ANKS1A: variants seen among roughly 807,000 people sequenced by gnomAD.
The protein encoded by ANKS1A is ankyrin repeat and SAM domain-containing protein 1A.
A neutral mutation model predicts 120.3 loss-of-function variants in ANKS1A; 55 were observed. The observed-to-expected ratio is 0.46, with a 90% CI of 0.37 to 0.57. The LOEUF is 0.57. Ranked by LOEUF, ANKS1A falls within the 20% of genes least tolerant of loss-of-function variation. The pLI is 0.00. For synonymous variants in ANKS1A, 590 were observed against 604.7 expected, an observed-to-expected ratio of 0.98 and a Z score of 0.36; for missense variants, 1,123 against 1,480.3, an observed-to-expected ratio of 0.76 and a Z score of 3.96.
intron 1 of ANKS1A, among the ~76,000 whole-genome samples, chr6:34,907,260 C>T (rs1353092555): frequency 1.3e-5 from 2 of 152,148 alleles, no homozygotes; most frequent in Non-Finnish European, 2.9e-5. Flanking sequence ...AGGGAAGTAT[C>T]AACAAAGTCT....
At chr6:34,890,833 C>T (rs1766782558) in intron 1 of ANKS1A, among the ~76,000 whole-genome samples, 1 of 152,168 alleles carries the variant, frequency 6.6e-6, no homozygotes, top group Admixed American at 6.5e-5. Context: ...TTTTGTTCCC[C>T]ATTACTTTAT....
At chr6:35,010,736 A>G (rs1773719882) in intron 10 of ANKS1A, among the ~76,000 whole-genome samples, 1 of 152,178 alleles carries the variant, frequency 6.6e-6, no homozygotes, top group African/African-American at 2.4e-5. Flanking sequence ...TAAAGCCTAA[A>G]TGGGGTCTAA....
At position 34,985,082 on chromosome 6, in the gene ANKS1A, G is replaced by T. The variant is rs770479419; in HGVS notation, c.1013G>T (p.Gly338Val). 6.2e-7 allele frequency: 1 copy of T among 1,612,322 alleles called. No homozygotes were observed. Among genetic ancestry groups the T allele is most frequent in the South Asian group, 1.1e-5 (1 of 90,790 alleles). ...CTCTTGCCCTCCATCCTCCTCTCAG[G>T]TGACGTGGAGAAAGCAGTGACTGAA... ...SMDSISQKSQ[G>V]DVEKAVTELI... The change falls in exon 8 of 24, where the codon GGT becomes GTT. Residue 338 changes from glycine to valine, a missense_variant and splice_region_variant. Gly to Val is a moderately radical substitution (Grantham distance 109, BLOSUM62 -3). Transcript: ENST00000360359.
intron 11 of ANKS1A, among the ~76,000 whole-genome samples, chr6:35,049,217 A>G (rs1775858836): frequency 1.3e-5 from 2 of 152,074 alleles, no homozygotes; most frequent in South Asian, 2.1e-4. Flanking sequence ...GAGGAGGGAA[A>G]GGGAGTTAGA....
At chr6:35,012,789 G>T (rs1773829209) in intron 10 of ANKS1A, among the ~76,000 whole-genome samples, 1 of 152,216 alleles carries the variant, frequency 6.6e-6, no homozygotes, top group Non-Finnish European at 1.5e-5. Flanking sequence ...GCATGCTGGT[G>T]TGCCATATTG....
At chr6:35,042,570 G>A (rs1452681522) in intron 11 of ANKS1A, among the ~76,000 whole-genome samples, 4 of 152,168 alleles carry the variant, frequency 2.6e-5, no homozygotes. Flanking sequence ...AGCCATCCTC[G>A]GACCTTATGT....
At chr6:34,964,854 G>A (rs1770816781) in intron 1 of ANKS1A, among the ~76,000 whole-genome samples, 1 of 152,184 alleles carries the variant, frequency 6.6e-6, no homozygotes, top group African/African-American at 2.4e-5. Flanking sequence ...TACCAGTGGT[G>A]TTTAAGAGTG....
intron 13 of ANKS1A, among the ~76,000 whole-genome samples, chr6:35,069,635 G>A (rs1375071427): frequency 6.6e-6 from 1 of 151,828 alleles, no homozygotes; most frequent in Non-Finnish European, 1.5e-5. Context: ...TGACCCCCCA[G>A]GCTCAAGTGA....
chr6:34,994,477 G>C, intron 10 of ANKS1A, 55 bp downstream of exon 10: 1 of 1,587,774 alleles, frequency 6.3e-7, no homozygotes, highest in Non-Finnish European at 8.6e-7. Flanking sequence ...TTTAAAGTTT[G>C]TGATCCTGAG....
At chr6:34,940,908 CAA>C (rs201669851) in intron 1 of ANKS1A, among the ~76,000 whole-genome samples, 6 of 127,960 alleles carry the variant, frequency 4.7e-5, no homozygotes, top group African/African-American at 8.7e-5. Flanking sequence ...AACTCTGTGT[CAA>C]AAAAAAAAAA....
chr6:34,989,178 A>G, intron 8 of ANKS1A, 46 bp from the exon 9 acceptor site: 1 of 1,588,622 alleles, frequency 6.3e-7, no homozygotes, highest in Non-Finnish European at 8.6e-7. Context: ...AAAATTAGAT[A>G]CTTAAAAAAG....
intron 1 of ANKS1A, among the ~76,000 whole-genome samples, chr6:34,923,071 G>C (rs562736242): frequency 1.3e-5 from 2 of 152,330 alleles, no homozygotes; most frequent in East Asian, 3.9e-4. Context: ...AGCTGAAGAA[G>C]ACGTCTAGAA....
chr6:34,991,693 CATATATATACATATATACACATAT>C (rs1169453799), intron 9 of ANKS1A, among the ~76,000 whole-genome samples: 25 of 29,334 alleles, frequency 8.5e-4, no homozygotes, highest in African/African-American at 1.1e-3. Flanking sequence ...CATATATACA[CATATATATACATATATACACATAT>C]ATATACATAT....
At chr6:34,914,695 T>C (rs1030004591) in intron 1 of ANKS1A, among the ~76,000 whole-genome samples, 2 of 152,156 alleles carry the variant, frequency 1.3e-5, no homozygotes, top group African/African-American at 4.8e-5. Context: ...AAACAGGCCT[T>C]TGGGCTTCCT....
At chr6:34,992,273 T>C (rs2127536935) in intron 9 of ANKS1A, among the ~76,000 whole-genome samples, 1 of 152,344 alleles carries the variant, frequency 6.6e-6, no homozygotes, top group African/African-American at 2.4e-5. Context: ...TGGCTGTTAC[T>C]GTGATGGTTA....
intron 11 of ANKS1A, among the ~76,000 whole-genome samples, chr6:35,042,777 G>A (rs1775532224): frequency 6.6e-6 from 1 of 152,246 alleles, no homozygotes. Flanking sequence ...GCAGGCATTA[G>A]CATCCCTGTT....
chr6:35,089,926 A>C lies in ANKS1A; in HGVS notation c.*1317A>C, dbSNP rs914406192. 31 of 1,161,492 alleles carry C rather than the reference A, an allele frequency of 2.7e-5. No homozygotes were observed. The highest frequency in any genetic ancestry group is 3.3e-5 in the Non-Finnish European group (31 of 927,722). 71.9% of individuals were successfully genotyped at this position (1,161,492 alleles called of 1,614,324 possible). A position where few individuals can be genotyped will look rare whatever the true frequency, so the allele number is the denominator to read the frequency against. On this transcript the variant is annotated 3_prime_UTR_variant, in exon 24 of 24. Coordinates refer to ENST00000360359, the MANE Select transcript of ANKS1A (RefSeq NM_015245.3). The stretch of plus-strand genomic sequence containing the variant: ...TCCCAGGATGAATAATCCAGGCTTC[A>C]GCAACACTCCTCTTTCCCAGCCAGC...
intron 10 of ANKS1A, among the ~76,000 whole-genome samples, chr6:35,012,296 C>A (rs1312368098): frequency 6.6e-6 from 1 of 152,224 alleles, no homozygotes; most frequent in African/African-American, 2.4e-5. Context: ...CCAAAATGAA[C>A]TCTCAGTCTA....
intron 13 of ANKS1A, among the ~76,000 whole-genome samples, chr6:35,068,839 A>C (rs376225526): frequency 6.6e-6 from 1 of 152,132 alleles, no homozygotes; most frequent in South Asian, 2.1e-4. Context: ...CTGAGAAGAG[A>C]CAGGCAGACT....
Sources: gnomAD v4.1 joint callset for allele counts (sites outside exome capture counted in the v4.1 genomes callset) on GRCh38, gnomAD v4.1.1 for gene constraint, MANE v1.5 for transcripts, NCBI Gene and HGNC (gene_info 2026-07-23, HGNC 2026-07-21) for gene names.